The following MYO3B variants were observed in gnomAD, a reference collection of about 807,000 sequenced individuals.
The protein encoded by MYO3B is myosin IIIB.
In MYO3B, 156 loss-of-function variants were observed where a neutral mutation model predicts 174.6. The observed-to-expected ratio is 0.89, with a 90% CI of 0.78 to 1.02. The LOEUF (loss-of-function observed/expected upper bound fraction) is 1.02, where lower values mean the gene tolerates loss of function less well. Ranked by LOEUF, MYO3B falls within the 50% of genes least tolerant of loss-of-function variation. MYO3B has a pLI of 0.00. For missense variants in MYO3B, 1,632 were observed against 1,639.4 expected, an observed-to-expected ratio of 1.00 and a Z score of 0.08; for synonymous variants, 563 against 569.1, an observed-to-expected ratio of 0.99 and a Z score of 0.15.
chr2:170,562,036 G>C (rs908303020), intron 32 of MYO3B, among the ~76,000 whole-genome samples: 1 of 151,720 alleles, frequency 6.6e-6, no homozygotes, highest in Non-Finnish European at 1.5e-5. Flanking sequence ...ATTTGTTTTT[G>C]ATTTAAAAAA....
At position 170,466,728 on chromosome 2, in the gene MYO3B, C is replaced by T. The variant is rs772182769; in HGVS notation, c.3014+17C>T. ...TGTGAAAAGGTCAGACCGTCATCTA[C>T]GGGAATGCATTCTTATAAATGTAGC... is the stretch of plus-strand genomic sequence containing the variant. On this transcript the variant is annotated intron_variant, in intron 25 of 34. Transcript: ENST00000408978. 25 of 1,611,266 alleles carry T rather than the reference C, an allele frequency of 1.6e-5. No homozygotes were observed. The highest frequency in any genetic ancestry group is 3.3e-5 in the Admixed American group (2 of 59,956).
intron 32 of MYO3B, among the ~76,000 whole-genome samples, chr2:170,597,311 T>C (rs996239391): frequency 4.8e-5 from 7 of 145,982 alleles, no homozygotes; most frequent in African/African-American, 1.8e-4. Flanking sequence ...GCAGTTGCAG[T>C]GAGCCGAGAT....
intron 1 of MYO3B, among the ~76,000 whole-genome samples, chr2:170,190,629 C>A (rs1195184795): frequency 6.6e-6 from 1 of 152,120 alleles, no homozygotes; most frequent in Non-Finnish European, 1.5e-5. Flanking sequence ...GTGGCCACCA[C>A]CCAGGCCATA....
intron 3 of MYO3B, among the ~76,000 whole-genome samples, chr2:170,208,515 G>A (rs1559300309): frequency 6.6e-6 from 1 of 152,116 alleles, no homozygotes; most frequent in Non-Finnish European, 1.5e-5. Context: ...CAGGATAATT[G>A]CTCAGAACTA....
intron 8 of MYO3B, among the ~76,000 whole-genome samples, chr2:170,353,580 T>G (rs2094095158): frequency 6.6e-6 from 1 of 152,176 alleles, no homozygotes; most frequent in Admixed American, 6.5e-5. Context: ...AATTACGATG[T>G]GTCAGTATGA....
chr2:170,322,471 T>C (rs553247571), intron 7 of MYO3B, among the ~76,000 whole-genome samples: 50 of 152,324 alleles, frequency 3.3e-4, no homozygotes, highest in African/African-American at 1.2e-3. Flanking sequence ...GTGAAAACAA[T>C]TGGCCATATT....
At chr2:170,635,186 A>G (rs897044359) in intron 32 of MYO3B, among the ~76,000 whole-genome samples, 1 of 152,256 alleles carries the variant, frequency 6.6e-6, no homozygotes, top group Non-Finnish European at 1.5e-5. Flanking sequence ...GGCATTATTC[A>G]CAGTATCAAA....
At chr2:170,464,027 T>C (rs1684466482) in intron 24 of MYO3B, among the ~76,000 whole-genome samples, 1 of 152,204 alleles carries the variant, frequency 6.6e-6, no homozygotes, top group Non-Finnish European at 1.5e-5. Flanking sequence ...CCTTAGAGAC[T>C]GGGAGCTAAG....
chr2:170,192,616 T>C (rs1345820695), intron 1 of MYO3B, among the ~76,000 whole-genome samples: 1 of 151,306 alleles, frequency 6.6e-6, no homozygotes, highest in East Asian at 1.9e-4. Context: ...TATTTATCTA[T>C]TTCTACCTTT....
intron 32 of MYO3B, among the ~76,000 whole-genome samples, chr2:170,613,419 A>G (rs1272091207): frequency 6.6e-6 from 1 of 152,222 alleles, no homozygotes; most frequent in African/African-American, 2.4e-5. Flanking sequence ...TCCAAGCTCC[A>G]CATTAATCCT....
chr2:170,614,762 C>T (rs984694724), intron 32 of MYO3B, among the ~76,000 whole-genome samples: 14 of 152,202 alleles, frequency 9.2e-5, no homozygotes, highest in African/African-American at 3.1e-4. Context: ...ACCAAGGCCA[C>T]AACTCCCCTC....
intron 10 of MYO3B, chr2:170,382,455 T>C: frequency 5.5e-6 from 1 of 183,280 alleles, no homozygotes; most frequent in Non-Finnish European, 1.2e-5. Flanking sequence ...TTGTTCTTCA[T>C]AAGAAAGAGC....
intron 32 of MYO3B, among the ~76,000 whole-genome samples, chr2:170,560,404 A>G (rs1691627556): frequency 6.6e-6 from 1 of 152,206 alleles, no homozygotes. Flanking sequence ...CCATCCAGAA[A>G]GGTCTGTTTG....
intron 7 of MYO3B, among the ~76,000 whole-genome samples, chr2:170,295,122 C>T (rs1434936775): frequency 6.6e-6 from 1 of 151,336 alleles, no homozygotes; most frequent in Non-Finnish European, 1.5e-5. Context: ...TAGTATTTGT[C>T]TTATATCTTA....
chr2:170,375,063 G>A (rs1209434857), intron 9 of MYO3B, among the ~76,000 whole-genome samples: 1 of 152,156 alleles, frequency 6.6e-6, no homozygotes, highest in Non-Finnish European at 1.5e-5. Context: ...TGAACAATGG[G>A]CTGAAAGTAC....
Position 170,200,158 on chromosome 2 carries a change from T to G in MYO3B, c.195T>G (p.Asp65Glu), listed in dbSNP as rs1378911643. 1.9e-6 allele frequency: 3 copies of G among 1,612,670 alleles called. No homozygotes were observed. Among genetic ancestry groups the G allele is most frequent in the Non-Finnish European group, 2.5e-6 (3 of 1,179,284 alleles). ...VKILDPVSDM[D>E]EEIEAEYNIL... ...TTTTCTACCCTGTTTAGGATATGGA[T>G]GAAGAAATTGAGGCAGAATACAACA... is the stretch of plus-strand genomic sequence containing the variant. The change falls in exon 3 of 35, where the codon GAT (aspartate) becomes GAG (glutamate). Residue 65 changes from aspartate to glutamate, a missense_variant. By Grantham distance (45) the Asp-to-Glu change is conservative (BLOSUM62 2). Coordinates refer to ENST00000408978, the MANE Select transcript of MYO3B (RefSeq NM_138995.5).
chr2:170,194,317 C>T (rs943781156), intron 1 of MYO3B, among the ~76,000 whole-genome samples: 1 of 152,024 alleles, frequency 6.6e-6, no homozygotes, highest in African/African-American at 2.4e-5. Context: ...CCAGCCTGGG[C>T]TGTTAGGAAG....
intron 25 of MYO3B, among the ~76,000 whole-genome samples, chr2:170,485,694 CAT>C (rs1200595666): frequency 6.6e-6 from 1 of 152,116 alleles, no homozygotes; most frequent in Non-Finnish European, 1.5e-5. Context: ...AAATATTAAA[CAT>C]GTGTGAGGAT....
At chr2:170,459,951 A>G (rs1349378651) in intron 23 of MYO3B, among the ~76,000 whole-genome samples, 11 of 152,022 alleles carry the variant, frequency 7.2e-5, no homozygotes, top group Non-Finnish European at 1.6e-4. Context: ...CCCCACCCGG[A>G]ACTCATGCTG....
Sources: gnomAD v4.1 joint callset for allele counts (sites outside exome capture counted in the v4.1 genomes callset) on GRCh38, gnomAD v4.1.1 for gene constraint, MANE v1.5 for transcripts, NCBI Gene and HGNC (gene_info 2026-07-23, HGNC 2026-07-21) for gene names.